Variants in TRIML1 observed in about 807,000 individuals in gnomAD.
The protein encoded by TRIML1 is tripartite motif family like 1, also known as probable E3 ubiquitin-protein ligase TRIML1.
A neutral mutation model predicts 32.3 loss-of-function variants in TRIML1; 34 were observed. That is an observed-to-expected ratio of 1.05 (90% CI 0.80 to 1.40). The LOEUF (loss-of-function observed/expected upper bound fraction) is 1.40, where lower values mean the gene tolerates loss of function less well. TRIML1 is among the 40% of genes most tolerant of loss of function. The pLI, the probability that TRIML1 is intolerant of heterozygous loss-of-function variation, is 0.00. For synonymous variants in TRIML1, 244 were observed against 226.6 expected, an observed-to-expected ratio of 1.08 and a Z score of -0.69; for missense variants, 595 against 574.9, an observed-to-expected ratio of 1.03 and a Z score of -0.36.
At chr4:188,137,803 G>C (rs987599241), upstream of TRIML1, among the ~76,000 whole-genome samples, 31 of 151,906 alleles carry the variant, frequency 2.0e-4, no homozygotes, top group African/African-American at 7.2e-4. Flanking sequence ...AGTAGAGACG[G>C]AGTTTCACCA....
intron 2 of TRIML1, 123 bp from the exon 3 acceptor site, chr4:188,142,129 A>AG (rs1395596075): frequency 4.5e-6 from 3 of 673,532 alleles, no homozygotes; most frequent in African/African-American, 1.9e-5. Context: ...AAAAAAAAAA[A>AG]AAAGAAAGAA....
In TRIML1 at chr4:188,146,815, C is replaced by T. The variant is rs1456669254; in HGVS notation, c.857-7C>T. 2.2e-6 allele frequency: 3 copies of T among 1,358,118 alleles called. No individual in the cohort carries two copies. The highest frequency in any genetic ancestry group is 2.9e-6 in the Non-Finnish European group (3 of 1,049,244). 84.1% of individuals were successfully genotyped at this position (1,358,118 alleles called of 1,614,324 possible). On this transcript the variant is annotated splice_region_variant and splice_polypyrimidine_tract_variant and intron_variant, in intron 5 of 5. Coordinates refer to ENST00000332517, the MANE Select transcript of TRIML1 (RefSeq NM_178556.5). ...CAAGGGAAATCTCTTCTTTCCTCCT[C>T]TTGCAGCGGAGATAACGCTGGACCC...
chr4:188,148,194 T>C (rs73877573), downstream of TRIML1, among the ~76,000 whole-genome samples: 20,184 of 152,116 alleles, frequency 0.13, 1,574 homozygotes, highest in South Asian at 0.32. Flanking sequence ...CCTCTTCTTA[T>C]CTCAAAACGT....
chr4:188,145,441 C>CAAAAAAAAAAAAAAAAAA (rs869253721), intron 5 of TRIML1, among the ~76,000 whole-genome samples: 2 of 34,320 alleles, frequency 5.8e-5, no homozygotes, highest in Non-Finnish European at 9.6e-5. Context: ...GACTCCGTCT[C>CAAAAAAAAAAAAAAAAAA]AAAAAAAAAA....
downstream of TRIML1, among the ~76,000 whole-genome samples, chr4:188,150,468 T>A (rs937256239): frequency 6.6e-6 from 1 of 152,112 alleles, no homozygotes; most frequent in African/African-American, 2.4e-5. Context: ...ATTTCTCACC[T>A]CAAAAAGCTA....
intron 3 of TRIML1, chr4:188,143,230 A>G (rs1246287612): frequency 6.6e-6 from 1 of 152,614 alleles, no homozygotes; most frequent in Non-Finnish European, 1.5e-5. Context: ...TAAGTTTTGT[A>G]TTTTTAGTAG....
chr4:188,145,772 C>T (rs1033041456), intron 5 of TRIML1, among the ~76,000 whole-genome samples: 41 of 151,988 alleles, frequency 2.7e-4, no homozygotes, highest in African/African-American at 9.4e-4. Flanking sequence ...GTCAAGATCG[C>T]GTCATTGCAG....
downstream of TRIML1, among the ~76,000 whole-genome samples, chr4:188,149,206 C>A (rs1735187254): frequency 6.6e-6 from 1 of 151,790 alleles, no homozygotes; most frequent in South Asian, 2.1e-4. Context: ...GGCGTGAGCC[C>A]CCGCGCCTGG....
chr4:188,142,643 T>C (rs567076236), intron 3 of TRIML1, among the ~76,000 whole-genome samples, 161 bp downstream of exon 3: 7 of 149,302 alleles, frequency 4.7e-5, no homozygotes, highest in South Asian at 2.1e-4. Flanking sequence ...TAAAGCCTTA[T>C]AGAAGAGAGA....
Position 188,142,254 on chromosome 4 carries a change from A to G in TRIML1, c.507A>G (p.Glu169=), listed in dbSNP as rs1396515817. The G allele has an allele frequency of 1.3e-6, 2 of 1,598,600 alleles. No homozygotes were observed. The highest frequency in any genetic ancestry group is 1.7e-5 in the Admixed American group (1 of 59,372). The change falls in exon 3 of 6, where the codon GAA becomes GAG. Residue 169 remains glutamate, a splice_region_variant and synonymous_variant. Coordinates refer to ENST00000332517, the MANE Select transcript of TRIML1 (RefSeq NM_178556.5). The part of the protein sequence containing the change: ...HEKERVKLCQ[E]ETKTCKQVVV... ...TGTGTGTGTGTGTGTTTTGGCAGGA[A>G]GAAACAAAGACTTGTAAACAGGTTG...
chr4:188,142,391 A>T lies in TRIML1; in HGVS notation c.644A>T (p.Glu215Val). Reference sequence around the variant, plus strand: ...AACATGAGGAAGCTGAGGAACAATGAGATCAAACTGACCCAGCAAATCAGA... The same window carrying T: ...AACATGAGGAAGCTGAGGAACAATGTGATCAAACTGACCCAGCAAATCAGA... ...KENMRKLRNN[E>V]IKLTQQIRSL... The change falls in exon 3 of 6, where the codon GAG becomes GTG. Residue 215 changes from glutamate to valine, a missense_variant. Physicochemically the swap from Glu to Val is moderately radical, Grantham distance 121 (BLOSUM62 -2). Coordinates refer to ENST00000332517, the MANE Select transcript of TRIML1 (RefSeq NM_178556.5). 1 of 1,613,958 alleles carries T rather than the reference A, an allele frequency of 6.2e-7. No homozygotes were observed. The highest frequency in any genetic ancestry group is 1.7e-5 in the Admixed American group (1 of 59,978).
At chr4:188,139,415 A>G, upstream of TRIML1, 1 of 767,474 alleles carries the variant, frequency 1.3e-6, no homozygotes, top group Non-Finnish European at 2.0e-6. Flanking sequence ...TGGTGAAATC[A>G]GGCACAGAAG....
At chr4:188,137,566 C>A (rs1359048060), upstream of TRIML1, among the ~76,000 whole-genome samples, 2 of 151,274 alleles carry the variant, frequency 1.3e-5, no homozygotes, top group Non-Finnish European at 2.9e-5. Context: ...CAACCTCCAC[C>A]TCCTGGGTTC....
downstream of TRIML1, among the ~76,000 whole-genome samples, chr4:188,148,901 CTTTTTTTTTTTTTTT>C (rs34415263): frequency 1.6e-5 from 1 of 63,746 alleles, no homozygotes. Context: ...CGTGCCCAGG[CTTTTTTTTTTTTTTT>C]TTTTTTTTTT....
In TRIML1 at chr4:188,147,024, G is replaced by T. The variant is rs1469466625; in HGVS notation, c.1059G>T (p.Trp353Cys). 2 of 1,606,504 alleles carry T rather than the reference G, an allele frequency of 1.2e-6. No individual in the cohort carries two copies. The highest frequency in any genetic ancestry group is 1.7e-6 in the Non-Finnish European group (2 of 1,175,800). The change falls in exon 6 of 6, where the codon TGG becomes TGT. Residue 353 changes from tryptophan to cysteine, a missense_variant. Transcript: ENST00000332517. Reference protein sequence around the residue: ...WEVEVGNKTEWEVGICKDSVS... With the variant: ...WEVEVGNKTECEVGICKDSVS... ...TGGAGGTGGGAAACAAGACCGAGTG[G>T]GAAGTGGGCATCTGCAAGGACTCTG...
At chr4:188,144,259 A>C in intron 5 of TRIML1, 126 bp downstream of exon 5, 2 of 800,134 alleles carry the variant, frequency 2.5e-6, no homozygotes, top group Admixed American at 2.3e-5. Context: ...CCAGCACGGA[A>C]CACCAGGGAG....
chr4:188,149,820 T>A (rs1190648927), downstream of TRIML1, among the ~76,000 whole-genome samples: 2 of 152,124 alleles, frequency 1.3e-5, no homozygotes, highest in Admixed American at 6.6e-5. Flanking sequence ...ATTTATTTAT[T>A]TGAGATGGAG....
intron 4 of TRIML1, 69 bp from the exon 5 acceptor site, chr4:188,143,967 G>A: frequency 1.2e-6 from 2 of 1,604,870 alleles, no homozygotes; most frequent in Non-Finnish European, 1.7e-6. Context: ...GGAGAAATGA[G>A]GTGGACTCTC....
At chr4:188,148,954 C>A (rs1735180690), downstream of TRIML1, among the ~76,000 whole-genome samples, 1 of 135,254 alleles carries the variant, frequency 7.4e-6, no homozygotes, top group Non-Finnish European at 1.5e-5. Context: ...TGCTCTGTCA[C>A]CCAGGCTGGA....
Sources: allele counts gnomAD v4.1 joint callset (sites outside exome capture counted in the v4.1 genomes callset), GRCh38; gene constraint gnomAD v4.1.1; transcripts MANE v1.5; gene names NCBI Gene and HGNC (gene_info 2026-07-23, HGNC 2026-07-21).